SCAF4: variants seen among roughly 807,000 people sequenced by gnomAD.
SCAF4 encodes the protein SR-related CTD associated factor 4.
SCAF4 carries 25 observed loss-of-function variants against 129.8 expected under a neutral mutation model. That is an observed-to-expected ratio of 0.19 (90% CI 0.14 to 0.27). The LOEUF (loss-of-function observed/expected upper bound fraction) is 0.27. Among genes scored for constraint, SCAF4 ranks in the 10% least tolerant of loss-of-function variants. SCAF4 has a pLI of 1.00. For missense variants in SCAF4, 1,246 were observed against 1,457.1 expected, an observed-to-expected ratio of 0.86 and a Z score of 2.36; for synonymous variants, 551 against 497.7, an observed-to-expected ratio of 1.11 and a Z score of -1.43.
At chr21:31,723,638 GCGCGCGCGCACATAC>G (rs2051132463) in intron 1 of SCAF4, among the ~76,000 whole-genome samples, 1 of 151,172 alleles carries the variant, frequency 6.6e-6, no homozygotes, top group Non-Finnish European at 1.5e-5. Flanking sequence ...GTGCGCGCGC[GCGCGCGCGCACATAC>G]AGTTCAAGTT....
intron 19 of SCAF4, chr21:31,684,320 A>C (rs1293221519): frequency 1.3e-5 from 2 of 152,724 alleles, no homozygotes; most frequent in African/African-American, 4.8e-5. Flanking sequence ...ACAATTTGTT[A>C]ATTTAAAAGA....
chr21:31,709,743 C>T (rs917363026), intron 1 of SCAF4, among the ~76,000 whole-genome samples: 1 of 151,568 alleles, frequency 6.6e-6, no homozygotes, highest in Non-Finnish European at 1.5e-5. Flanking sequence ...GAAGAGGTAA[C>T]CAACATTTGA....
chr21:31,703,695 A>G (rs1330302028), intron 4 of SCAF4, 70 bp downstream of exon 4: 1 of 871,624 alleles, frequency 1.1e-6, no homozygotes, highest in East Asian at 2.7e-5. Flanking sequence ...AGTAGGCTCC[A>G]AATATCTAAC....
At chr21:31,686,544 T>C (rs895509697) in intron 16 of SCAF4, among the ~76,000 whole-genome samples, 4 of 152,012 alleles carry the variant, frequency 2.6e-5, no homozygotes, top group Non-Finnish European at 5.9e-5. Context: ...AATGAGTTAA[T>C]ACATACTAAG....
chr21:31,695,425 C>T (rs1375562261), intron 9 of SCAF4, among the ~76,000 whole-genome samples: 3 of 151,948 alleles, frequency 2.0e-5, no homozygotes, highest in Non-Finnish European at 4.4e-5. Context: ...CTAACATACC[C>T]AACTTTTAGA....
chr21:31,707,767 A>G (rs1184431252), intron 1 of SCAF4, among the ~76,000 whole-genome samples: 1 of 152,262 alleles, frequency 6.6e-6, no homozygotes, highest in Non-Finnish European at 1.5e-5. Context: ...TTCTCAGAGT[A>G]AACAGCCCCA....
At chr21:31,712,093 A>G (rs2050811967) in intron 1 of SCAF4, among the ~76,000 whole-genome samples, 1 of 152,176 alleles carries the variant, frequency 6.6e-6, no homozygotes, top group South Asian at 2.1e-4. Flanking sequence ...AAAGCTTTAA[A>G]TAGCCAGCAT....
intron 16 of SCAF4, 137 bp from the exon 17 acceptor site, chr21:31,685,870 C>CAGGTGGTA: frequency 1.3e-6 from 1 of 795,454 alleles, no homozygotes; most frequent in Middle Eastern, 3.8e-4. Context: ...TATTAAATAA[C>CAGGTGGTA]AGGTGGTAGT....
intron 1 of SCAF4, among the ~76,000 whole-genome samples, chr21:31,708,196 T>C (rs181655978): frequency 5.9e-5 from 9 of 152,126 alleles, no homozygotes; most frequent in Admixed American, 3.3e-4. Flanking sequence ...GAGACCAGCC[T>C]GGCCAACGTG....
At chr21:31,696,817 A>G in intron 7 of SCAF4, 67 bp from the exon 8 acceptor site, 3 of 1,330,190 alleles carry the variant, frequency 2.3e-6, no homozygotes, top group Non-Finnish European at 3.1e-6. Context: ...AAACTTTATG[A>G]AAACAAGGGA....
At chr21:31,728,300 TTC>T (rs2123701496) in intron 1 of SCAF4, among the ~76,000 whole-genome samples, 1 of 152,246 alleles carries the variant, frequency 6.6e-6, no homozygotes, top group East Asian at 1.9e-4. Flanking sequence ...CTGCCCTTCC[TTC>T]CCTCATCCTT....
intron 1 of SCAF4, among the ~76,000 whole-genome samples, chr21:31,717,868 C>T (rs199617392): frequency 0.16 from 19,145 of 120,668 alleles, 1,782 homozygotes; most frequent in East Asian, 0.43. Context: ...CACACACACA[C>T]ACATATACAC....
chr21:31,716,900 T>A (rs934704806), intron 1 of SCAF4, among the ~76,000 whole-genome samples: 1 of 152,158 alleles, frequency 6.6e-6, no homozygotes, highest in Non-Finnish European at 1.5e-5. Flanking sequence ...ATACTGTGTA[T>A]GAGTTAATCA....
chr21:31,702,215 T>C (rs762168577), intron 5 of SCAF4, 29 bp downstream of exon 5: 18 of 1,613,118 alleles, frequency 1.1e-5, no homozygotes, highest in Non-Finnish European at 1.5e-5. Context: ...CATACCATTG[T>C]GTGAGCTCAC....
Position 31,684,991 on chromosome 21 carries a change from TGGGGGGGTGGGG to T in SCAF4, c.2488+46_2488+57del, listed in dbSNP as rs748288700. ...TAAAAAAATCTAACTTGGGGATGGG[TGGGGGGGTGGGG>T]GGGGGGTGGGGCAAGGAAAACTAAT... is the stretch of plus-strand genomic sequence containing the variant. On this transcript the variant is annotated intron_variant, in intron 19 of 19. Coordinates refer to ENST00000286835, the MANE Select transcript of SCAF4 (RefSeq NM_020706.2). 3.3e-5 allele frequency: 14 copies of T among 426,054 alleles called. 1 individual carries two copies. In the East Asian group the frequency reaches 7.2e-4, roughly 22 times the overall value. 26.4% of individuals were successfully genotyped at this position (426,054 alleles called of 1,614,324 possible). A position where few individuals can be genotyped will look rare whatever the true frequency, so the allele number is the denominator to read the frequency against.
Position 31,671,682 on chromosome 21 carries a change from C to G in SCAF4, c.3161G>C (p.Ser1054Thr). The change falls in exon 20 of 20, where the codon AGT becomes ACT. Residue 1054 changes from serine to threonine, a missense_variant. Transcript: ENST00000286835. ...RDLEERNRRSSGHRDRERDSR... is the reference protein window; with the variant it reads ...RDLEERNRRSTGHRDRERDSR... ...ATCTCTCTCTCTGTCTCGATGCCCA[C>G]TAGAGCGTCTATTTCTCTCTTCCAA... 6.2e-7 allele frequency: 1 copy of G among 1,613,972 alleles called. No homozygotes were observed. Among genetic ancestry groups the G allele is most frequent in the Non-Finnish European group, 8.5e-7 (1 of 1,179,876 alleles).
At chr21:31,685,295 T>C (rs921110451) in intron 18 of SCAF4, 55 bp from the exon 19 acceptor site, 2 of 1,504,532 alleles carry the variant, frequency 1.3e-6, no homozygotes, top group Admixed American at 1.7e-5. Context: ...TATCTCCCGG[T>C]CAACATTCTT....
intron 16 of SCAF4, among the ~76,000 whole-genome samples, chr21:31,687,414 T>C (rs1338456197): frequency 6.6e-6 from 1 of 152,010 alleles, no homozygotes; most frequent in Non-Finnish European, 1.5e-5. Flanking sequence ...CTGAAGCTTA[T>C]AAGTGAAGTT....
At position 31,713,293 on chromosome 21, in the gene SCAF4, A is replaced by T. The variant is rs75949963; in HGVS notation, c.31-6936T>A. Among the ~76,000 whole-genome samples, 1,193 of 152,334 alleles carry T rather than the reference A, an allele frequency of 7.8e-3. 19 individuals carry two copies. The highest frequency in any genetic ancestry group is 0.027 in the African/African-American group (1,134 of 41,568). On this transcript the variant is annotated intron_variant, in intron 1 of 19. Coordinates refer to ENST00000286835, the MANE Select transcript of SCAF4 (RefSeq NM_020706.2). ...TAACGGTAAGTGCACAGGCTCAATAATAACTGCCCGAGAAATCTTGGCTCT... is the reference window on the plus strand; with the variant it reads ...TAACGGTAAGTGCACAGGCTCAATATTAACTGCCCGAGAAATCTTGGCTCT...
Sources: gnomAD v4.1 joint callset for allele counts (sites outside exome capture counted in the v4.1 genomes callset) on GRCh38, gnomAD v4.1.1 for gene constraint, MANE v1.5 for transcripts, NCBI Gene and HGNC (gene_info 2026-07-23, HGNC 2026-07-21) for gene names.